The following APLP2 variants were observed in gnomAD, a reference collection of about 807,000 sequenced individuals.
The protein encoded by APLP2 is amyloid beta precursor like protein 2.
In APLP2, 53 loss-of-function variants were observed where a neutral mutation model predicts 89.9. That is an observed-to-expected ratio of 0.59 (90% CI 0.47 to 0.74). APLP2 has a LOEUF of 0.74. APLP2 is among the 30% of genes least tolerant of loss of function. APLP2 has a pLI of 0.00. For synonymous variants in APLP2, 372 were observed against 348.6 expected, an observed-to-expected ratio of 1.07 and a Z score of -0.75; for missense variants, 973 against 975.9, an observed-to-expected ratio of 1.00 and a Z score of 0.04.
At position 130,142,045 on chromosome 11, in the gene APLP2, T is replaced by C. The variant is rs1277378094; in HGVS notation, c.2125T>C (p.Tyr709His). The change falls in exon 16 of 17, where the codon TAT becomes CAT. Residue 709 changes from tyrosine (Y) to histidine (H), a missense_variant. Coordinates refer to ENST00000338167, the MANE Select transcript of APLP2 (RefSeq NM_001142276.2). ...ISLVMLRKRQ[Y>H]GTISHGIVEV... ...CCTGGTGATGCTGAGGAAGAGGCAG[T>C]ATGGCACCATCAGCCACGGGATCGT... 5.0e-6 allele frequency: 8 copies of C among 1,613,594 alleles called. No homozygotes were observed. The African/African-American group carries it at 5.3e-5, about 11-fold the overall frequency.
chr11:130,088,202 T>C (rs1048509564), intron 1 of APLP2, among the ~76,000 whole-genome samples: 1 of 152,170 alleles, frequency 6.6e-6, no homozygotes, highest in African/African-American at 2.4e-5. Flanking sequence ...GTCTGGGTGA[T>C]ATCTGTAAGT....
At chr11:130,135,494 G>C in intron 12 of APLP2, 69 bp from the exon 13 acceptor site, 2 of 1,554,588 alleles carry the variant, frequency 1.3e-6, no homozygotes, top group South Asian at 1.2e-5. Flanking sequence ...TGGAGCTCTA[G>C]AGCATCCTGT....
chr11:130,087,155 T>A (rs542177918), intron 1 of APLP2, among the ~76,000 whole-genome samples: 1 of 152,338 alleles, frequency 6.6e-6, no homozygotes, highest in Non-Finnish European at 1.5e-5. Flanking sequence ...GTTTACACTA[T>A]GGCTTTTGAG....
intron 1 of APLP2, among the ~76,000 whole-genome samples, chr11:130,087,866 A>G (rs1944365053): frequency 6.6e-6 from 1 of 152,246 alleles, no homozygotes; most frequent in African/African-American, 2.4e-5. Context: ...TTGTTTTGCA[A>G]GATTAATCTT....
intron 12 of APLP2, among the ~76,000 whole-genome samples, chr11:130,134,012 G>A (rs1336612475): frequency 6.6e-6 from 1 of 152,204 alleles, no homozygotes; most frequent in Non-Finnish European, 1.5e-5. Flanking sequence ...GAGACTACGA[G>A]TTTCCTGTTC....
rs1952372007 is a variant in APLP2, at chr11:130,141,446, A to G, written c.1924-52A>G. On this transcript the variant is annotated intron_variant, in intron 14 of 16. Transcript: ENST00000338167. This position sits in a 1 kb window ranked among gnomAD's most constrained non-coding sequence, Gnocchi z 4.2. Reference sequence around the variant, plus strand: ...CAGAGGAAGGAGGCAGTAAATACCAAACTCCCCGTTCACCCAGTTGCTTGC... The same window carrying G: ...CAGAGGAAGGAGGCAGTAAATACCAGACTCCCCGTTCACCCAGTTGCTTGC... 2.0e-6 allele frequency: 3 copies of G among 1,489,594 alleles called. No homozygotes were observed. The highest frequency in any genetic ancestry group is 2.8e-6 in the Non-Finnish European group (3 of 1,067,828). The allele number at this position is 1,489,594 out of a possible 1,614,324, so 92.3% of individuals were successfully genotyped here. A position where few individuals can be genotyped will look rare whatever the true frequency, so the allele number is the denominator to read the frequency against.
intron 1 of APLP2, among the ~76,000 whole-genome samples, chr11:130,106,197 G>A (rs574928477): frequency 2.6e-5 from 4 of 152,302 alleles, no homozygotes; most frequent in South Asian, 4.1e-4. Context: ...TTAGTGTTCT[G>A]TGTTTATGAA....
At chr11:130,093,821 G>A (rs7111001) in intron 1 of APLP2, among the ~76,000 whole-genome samples, 6 of 150,910 alleles carry the variant, frequency 4.0e-5, no homozygotes, top group Non-Finnish European at 8.8e-5. Context: ...TCACGTCACC[G>A]CAACCTCCGC....
chr11:130,121,757 TGAAGAGGAA>T lies in APLP2; in HGVS notation c.663_671del (p.Glu225_Glu227del). On this transcript the variant is annotated inframe_deletion, in exon 5 of 17. Coordinates refer to ENST00000338167, the MANE Select transcript of APLP2 (RefSeq NM_001142276.2). ...TGTCAAAAGAAGAGGAAGAGGAAGA[TGAAGAGGAA>T]GAGGAAGAGGAAGATGAAGAGGAAG... 6.2e-7 allele frequency: 1 copy of T among 1,609,956 alleles called. No individual in the cohort carries two copies. Among genetic ancestry groups the T allele is most frequent in the African/African-American group, 1.4e-5 (1 of 72,658 alleles).
At chr11:130,100,252 G>A (rs916618432) in intron 1 of APLP2, 1 of 152,186 alleles carries the variant, frequency 6.6e-6, no homozygotes, top group African/African-American at 2.4e-5. Flanking sequence ...CACACTCTTG[G>A]TCTTTCTCCC....
intron 1 of APLP2, among the ~76,000 whole-genome samples, chr11:130,088,960 G>C (rs780325289): frequency 6.6e-6 from 1 of 151,764 alleles, no homozygotes; most frequent in Non-Finnish European, 1.5e-5. Context: ...CTCTATTTTT[G>C]TCTGGTGGAC....
intron 3 of APLP2, among the ~76,000 whole-genome samples, chr11:130,112,675 C>T (rs543580988): frequency 1.3e-5 from 2 of 152,152 alleles, no homozygotes; most frequent in South Asian, 2.1e-4. Flanking sequence ...TTGTCTGGGC[C>T]GAGAGCAGCC....
chr11:130,138,011 A>G (rs926200832), intron 13 of APLP2, among the ~76,000 whole-genome samples: 8 of 152,204 alleles, frequency 5.3e-5, no homozygotes, highest in Non-Finnish European at 1.2e-4. Context: ...AGATGACGTG[A>G]CTTGCTCTAA....
chr11:130,081,900 A>C (rs1943213754), intron 1 of APLP2, among the ~76,000 whole-genome samples: 1 of 152,170 alleles, frequency 6.6e-6, no homozygotes, highest in Non-Finnish European at 1.5e-5. Context: ...ATTTAAAAGA[A>C]CCTCTGGAAA....
intron 3 of APLP2, among the ~76,000 whole-genome samples, chr11:130,111,292 T>A (rs918357174): frequency 1.3e-5 from 2 of 152,174 alleles, no homozygotes; most frequent in Non-Finnish European, 2.9e-5. Flanking sequence ...TATATTCATT[T>A]TAACTATTTG....
In APLP2 at chr11:130,083,026, C is replaced by CTTTTTTT. The variant is rs553962550; in HGVS notation, c.105+12965_105+12971dup. On this transcript the variant is annotated intron_variant, in intron 1 of 16. Transcript: ENST00000338167. ...TATTAACCACTGAAACTTTTCTTTT[C>CTTTTTTT]TTTTTTTTTTTTTTTTTTTTTTTTT... Among the ~76,000 whole-genome samples, 177 of 72,504 alleles carry CTTTTTTT rather than the reference C, an allele frequency of 2.4e-3. 12 individuals carry two copies. The highest frequency in any genetic ancestry group is 0.017 in the East Asian group (36 of 2,114). The allele number at this position is 72,504 out of a possible 152,430, so 47.6% of individuals were successfully genotyped here.
rs1948255730 is a variant in APLP2 at position 130,109,445 on chromosome 11, C to A, written c.122C>A (p.Ala41Asp). The change falls in exon 2 of 17, where the codon GCC (alanine) becomes GAC (aspartate). Residue 41 changes from alanine (A) to aspartate (D), a missense_variant. Physicochemically the swap from Ala to Asp is moderately radical, Grantham distance 126 (BLOSUM62 -2). Coordinates refer to ENST00000338167, the MANE Select transcript of APLP2 (RefSeq NM_001142276.2). ...AGYIEALAAN[A>D]GTGFAVAEPQ... ...CTTTGGTAGGCTCTTGCAGCCAATG[C>A]CGGAACAGGATTTGCTGTTGCTGAG... 3 of 1,611,256 alleles carry A rather than the reference C, an allele frequency of 1.9e-6. No individual in the cohort carries two copies. The highest frequency in any genetic ancestry group is 8.5e-7 in the Non-Finnish European group (1 of 1,178,778).
intron 3 of APLP2, among the ~76,000 whole-genome samples, chr11:130,117,870 C>T (rs1470432252): frequency 2.0e-5 from 3 of 152,008 alleles, no homozygotes; most frequent in Admixed American, 1.3e-4. Flanking sequence ...GTCAGTAGAT[C>T]GAGACCATCC....
At chr11:130,136,521 C>T (rs566042566) in intron 13 of APLP2, among the ~76,000 whole-genome samples, 1 of 152,016 alleles carries the variant, frequency 6.6e-6, no homozygotes, top group African/African-American at 2.4e-5. Flanking sequence ...AGTCAGGGGT[C>T]GAATCCAAGC....
Sources: gnomAD v4.1 joint callset for allele counts (sites outside exome capture counted in the v4.1 genomes callset) on GRCh38, gnomAD v4.1.1 for gene constraint, Gnocchi (gnomAD v3.1) non-coding constraint, MANE v1.5 for transcripts, NCBI Gene and HGNC (gene_info 2026-07-23, HGNC 2026-07-21) for gene names.